CDH4: variants seen among roughly 807,000 people sequenced by gnomAD.
CDH4 encodes the protein cadherin 4, also known as cadherin-4.
CDH4 carries 33 observed loss-of-function variants against 86.0 expected under a neutral mutation model. The ratio of observed to expected loss-of-function variants is 0.38; its 90% CI spans 0.29 to 0.51. The LOEUF is 0.51. Ranked by LOEUF, CDH4 falls within the 20% of genes least tolerant of loss-of-function variation. The pLI is 0.86. For missense variants in CDH4, 1,114 were observed against 1,307.4 expected, an observed-to-expected ratio of 0.85 and a Z score of 2.28; for synonymous variants, 555 against 549.4, an observed-to-expected ratio of 1.01 and a Z score of -0.14.
At chr20:61,687,079 T>C (rs1448324830) in intron 2 of CDH4, among the ~76,000 whole-genome samples, 2 of 152,144 alleles carry the variant, frequency 1.3e-5, no homozygotes, top group African/African-American at 4.8e-5. Flanking sequence ...GGCAGGTGAT[T>C]GATTAGGCGA....
chr20:61,376,639 A>C (rs1288560995), intron 2 of CDH4, among the ~76,000 whole-genome samples: 1 of 152,088 alleles, frequency 6.6e-6, no homozygotes, highest in Non-Finnish European at 1.5e-5. Context: ...CATCTTACTG[A>C]GCATTCTCCC....
intron 2 of CDH4, among the ~76,000 whole-genome samples, chr20:61,279,923 A>G (rs2084249815): frequency 6.6e-6 from 1 of 152,094 alleles, no homozygotes; most frequent in Non-Finnish European, 1.5e-5. Context: ...GGGAAAGGGG[A>G]CATCTTCACC....
intron 2 of CDH4, among the ~76,000 whole-genome samples, chr20:61,368,234 C>T (rs970455402): frequency 1.3e-5 from 2 of 152,212 alleles, no homozygotes; most frequent in African/African-American, 4.8e-5. Context: ...AGAAATGGCA[C>T]GTACCTCCTT....
In CDH4 at chr20:61,811,904, G is replaced by T. The variant is rs1021577693; in HGVS notation, c.577-32764G>T. On this transcript the variant is annotated intron_variant, in intron 4 of 15. Transcript: ENST00000614565. The surrounding 1 kb of genome is among the most constrained non-coding windows in gnomAD (Gnocchi z 4.4). ...CCAGGCTGGTCTCGAACTCCTGACCGCAGGTGATCCACCTACCTCGGCCTC... is the reference window on the plus strand; with the variant it reads ...CCAGGCTGGTCTCGAACTCCTGACCTCAGGTGATCCACCTACCTCGGCCTC... Among the ~76,000 whole-genome samples, 5 of 151,936 alleles carry T rather than the reference G, an allele frequency of 3.3e-5. No homozygotes were observed. In the South Asian group the frequency reaches 8.3e-4, roughly 25 times the overall value.
At chr20:61,411,494 T>C (rs1339543672) in intron 2 of CDH4, among the ~76,000 whole-genome samples, 1 of 151,862 alleles carries the variant, frequency 6.6e-6, no homozygotes, top group Admixed American at 6.6e-5. Context: ...ATGGGCAGCC[T>C]TCCCACAGGG....
chr20:61,556,711 A>G (rs2086180099), intron 2 of CDH4, among the ~76,000 whole-genome samples: 1 of 152,116 alleles, frequency 6.6e-6, no homozygotes, highest in African/African-American at 2.4e-5. Context: ...GTGCTTCTCC[A>G]GTGCCCCCAG....
intron 2 of CDH4, among the ~76,000 whole-genome samples, chr20:61,652,933 TATTTA>T (rs2087137791): frequency 8.3e-6 from 1 of 121,052 alleles, no homozygotes; most frequent in African/African-American, 2.8e-5. Flanking sequence ...TTTATTTATT[TATTTA>T]TTTTTTTTTT....
At chr20:61,650,461 G>A (rs150543217) in intron 2 of CDH4, among the ~76,000 whole-genome samples, 165 of 152,312 alleles carry the variant, frequency 1.1e-3, no homozygotes, top group African/African-American at 3.8e-3. Context: ...TATGTACTGC[G>A]TATCTGGAAG....
At chr20:61,578,708 TGTGA>T (rs1396422116) in intron 2 of CDH4, among the ~76,000 whole-genome samples, 1 of 152,186 alleles carries the variant, frequency 6.6e-6, no homozygotes, top group Non-Finnish European at 1.5e-5. Context: ...AAGTCTGGGC[TGTGA>T]GTGACACCAA....
At chr20:61,559,519 C>CTTT (rs1156864328) in intron 2 of CDH4, among the ~76,000 whole-genome samples, 12 of 105,158 alleles carry the variant, frequency 1.1e-4, no homozygotes, top group African/African-American at 2.9e-4. Context: ...ATTTTTTTTT[C>CTTT]TTTTTTTTTT....
chr20:61,733,969 C>T (rs1016495574), intron 2 of CDH4, among the ~76,000 whole-genome samples: 7 of 152,260 alleles, frequency 4.6e-5, no homozygotes, highest in African/African-American at 7.2e-5. Flanking sequence ...GCTCCTGCCG[C>T]AGAGGAAGCG....
intron 2 of CDH4, among the ~76,000 whole-genome samples, chr20:61,432,829 C>A (rs1455399805): frequency 6.8e-6 from 1 of 146,366 alleles, no homozygotes; most frequent in African/African-American, 2.5e-5. Flanking sequence ...CATTTAAATC[C>A]ATGATTTTTT....
rs138807600 is a variant in CDH4, at chr20:61,480,619, G to A, written c.169+225682G>A. Among the ~76,000 whole-genome samples the A allele has an allele frequency of 9.0e-4, 137 of 152,348 alleles. 1 individual carries two copies. Among genetic ancestry groups the A allele is most frequent in the African/African-American group, 3.1e-3 (128 of 41,576 alleles). On this transcript the variant is annotated intron_variant, in intron 2 of 15. Coordinates refer to ENST00000614565, the MANE Select transcript of CDH4 (RefSeq NM_001794.5). The surrounding 1 kb of genome is among the most constrained non-coding windows in gnomAD (Gnocchi z 5.2). ...AGGCTGACACAGGGGAAGGAGGTGTGGAGGTGTGGGGAGGGCGGGGCTGAG... is the reference window on the plus strand; with the variant it reads ...AGGCTGACACAGGGGAAGGAGGTGTAGAGGTGTGGGGAGGGCGGGGCTGAG...
intron 15 of CDH4, 150 bp from the exon 16 acceptor site, chr20:61,936,587 C>G: frequency 1.9e-6 from 1 of 520,812 alleles, no homozygotes; most frequent in Non-Finnish European, 3.2e-6. Flanking sequence ...AAATGCCCTT[C>G]AGTTAAATGC....
chr20:61,683,389 G>A (rs1761852059), intron 2 of CDH4, among the ~76,000 whole-genome samples: 1 of 152,198 alleles, frequency 6.6e-6, no homozygotes, highest in Admixed American at 6.5e-5. Context: ...AAAATCTACT[G>A]TACCCTGCAG....
At chr20:61,691,290 T>C (rs2087650295) in intron 2 of CDH4, among the ~76,000 whole-genome samples, 1 of 152,016 alleles carries the variant, frequency 6.6e-6, no homozygotes, top group African/African-American at 2.4e-5. Flanking sequence ...CGTGTGCATA[T>C]GTGTGTGTAT....
rs150363201 is a variant in CDH4 at position 61,330,176 on chromosome 20, G to A, written c.169+75239G>A. Among the ~76,000 whole-genome samples the A allele has an allele frequency of 3.2e-3, 494 of 152,248 alleles. 2 individuals are homozygous for A. The highest frequency in any genetic ancestry group is 4.7e-3 in the Non-Finnish European group (321 of 68,028). On this transcript the variant is annotated intron_variant, in intron 2 of 15. Transcript: ENST00000614565. Reference sequence around the variant, plus strand: ...CGTGCATGTATCTTTATAATAGAATGATTTATATTCCTTTGGGTATATACC... The same window carrying A: ...CGTGCATGTATCTTTATAATAGAATAATTTATATTCCTTTGGGTATATACC...
At chr20:61,500,419 G>A (rs181029014) in intron 2 of CDH4, among the ~76,000 whole-genome samples, 151 of 152,354 alleles carry the variant, frequency 9.9e-4, no homozygotes, top group Non-Finnish European at 1.4e-3. Flanking sequence ...TCCACATCAC[G>A]GGCGTGGAGA....
chr20:61,481,148 T>G (rs2085565947), intron 2 of CDH4, among the ~76,000 whole-genome samples: 1 of 152,204 alleles, frequency 6.6e-6, no homozygotes, highest in Non-Finnish European at 1.5e-5. Context: ...ACACATCTTG[T>G]TCTCAACTGC....
Sources: allele counts gnomAD v4.1 joint callset (sites outside exome capture counted in the v4.1 genomes callset), GRCh38; gene constraint gnomAD v4.1.1; non-coding constraint Gnocchi (gnomAD v3.1); transcripts MANE v1.5; gene names NCBI Gene and HGNC (gene_info 2026-07-23, HGNC 2026-07-21).